Variants in PCDHGA4 observed in about 807,000 individuals in gnomAD.
PCDHGA4 encodes the protein protocadherin gamma subfamily A, 4.
In PCDHGA4, 38 loss-of-function variants were observed where a neutral mutation model predicts 54.6. That is an observed-to-expected ratio of 0.70 (90% CI 0.54 to 0.91). The LOEUF (loss-of-function observed/expected upper bound fraction) is 0.91, where lower values mean the gene tolerates loss of function less well. PCDHGA4 is among the 40% of genes least tolerant of loss of function. PCDHGA4 has a pLI of 0.00. For missense variants in PCDHGA4, 1,298 were observed against 1,220.9 expected, an observed-to-expected ratio of 1.06 and a Z score of -0.94; for synonymous variants, 511 against 512.9, an observed-to-expected ratio of 1.00 and a Z score of 0.05.
chr5:141,409,004 G>A, intron 1 of PCDHGA4: 3 of 1,614,004 alleles, frequency 1.9e-6, no homozygotes, highest in Non-Finnish European at 1.7e-6. Context: ...GACAGCCACT[G>A]ACCAGGATGA....
At position 141,476,744 on chromosome 5, in the gene PCDHGA4, CT is replaced by C; in HGVS notation, c.2515-18062del. ...CCTGGACCGAGAACGGGAGCCTAGT[CT>C]CCAGTTAGTGCTGACGGCGTTGGAC... is the stretch of plus-strand genomic sequence containing the variant. On this transcript the variant is annotated intron_variant, in intron 1 of 3. Coordinates refer to ENST00000571252, the MANE Select transcript of PCDHGA4 (RefSeq NM_018917.4). The surrounding 1 kb of genome is among the most constrained non-coding windows in gnomAD (Gnocchi z 7.6). 6.2e-7 allele frequency: 1 copy of C among 1,614,046 alleles called. No homozygotes were observed. Among genetic ancestry groups the C allele is most frequent in the East Asian group, 2.2e-5 (1 of 44,884 alleles).
intron 1 of PCDHGA4, among the ~76,000 whole-genome samples, chr5:141,359,234 T>C (rs1489655323): frequency 6.6e-6 from 1 of 152,044 alleles, no homozygotes; most frequent in Non-Finnish European, 1.5e-5. Flanking sequence ...GGAGAGATTG[T>C]TTAAAGTAAT....
intron 1 of PCDHGA4, chr5:141,388,437 A>C: frequency 6.2e-7 from 1 of 1,613,892 alleles, no homozygotes; most frequent in Non-Finnish European, 8.5e-7. Context: ...AAATAAAGAG[A>C]AATCAGATGG....
chr5:141,389,200 A>C, intron 1 of PCDHGA4: 1 of 1,614,034 alleles, frequency 6.2e-7, no homozygotes, highest in Non-Finnish European at 8.5e-7. Context: ...ATCACCCTGC[A>C]CATTGGTGAT....
At chr5:141,361,920 C>A (rs756760762) in intron 1 of PCDHGA4, 5 of 1,607,942 alleles carry the variant, frequency 3.1e-6, no homozygotes. Flanking sequence ...TGGCGGTGGA[C>A]GCAGACTCAG....
intron 1 of PCDHGA4, chr5:141,375,345 C>T (rs749825552): frequency 5.0e-6 from 8 of 1,613,858 alleles, no homozygotes; most frequent in South Asian, 4.4e-5. Flanking sequence ...TACAACATCA[C>T]TGTGACAGCC....
In PCDHGA4 at chr5:141,370,651, T is replaced by G. The variant is rs779641933; in HGVS notation, c.2514+13030T>G. On this transcript the variant is annotated intron_variant, in intron 1 of 3. Coordinates refer to ENST00000571252, the MANE Select transcript of PCDHGA4 (RefSeq NM_018917.4). Reference sequence around the variant, plus strand: ...AGCCCCGAAAATGGGAACTTACTTGTGAGCGACCGTATAGACCGAGAGGAG... The same window carrying G: ...AGCCCCGAAAATGGGAACTTACTTGGGAGCGACCGTATAGACCGAGAGGAG... 4.3e-6 allele frequency: 7 copies of G among 1,613,800 alleles called. No homozygotes were observed. In the South Asian group the frequency reaches 7.7e-5, roughly 18 times the overall value.
chr5:141,496,589 G>A (rs914585858), intron 2 of PCDHGA4, among the ~76,000 whole-genome samples: 7 of 152,124 alleles, frequency 4.6e-5, no homozygotes, highest in Admixed American at 6.5e-5. Flanking sequence ...AACGCAAAGC[G>A]CTTCTTAGAA....
At chr5:141,404,771 C>A in intron 1 of PCDHGA4, 2 of 1,613,870 alleles carry the variant, frequency 1.2e-6, no homozygotes, top group African/African-American at 1.3e-5. Context: ...GCTCTCCTAC[C>A]GCCTATTCAA....
At chr5:141,397,225 T>C (rs2093492124) in intron 1 of PCDHGA4, among the ~76,000 whole-genome samples, 1 of 151,338 alleles carries the variant, frequency 6.6e-6, no homozygotes, top group Non-Finnish European at 1.5e-5. Context: ...TTTTGAGATA[T>C]GAAGAAGAGC....
chr5:141,476,839 G>A lies in PCDHGA4; in HGVS notation c.2515-17968G>A, dbSNP rs372676286. The A allele has an allele frequency of 5.0e-6, 8 of 1,613,490 alleles. No homozygotes were observed. Among genetic ancestry groups the A allele is most frequent in the South Asian group, 1.1e-5 (1 of 91,088 alleles). On this transcript the variant is annotated intron_variant, in intron 1 of 3. Transcript: ENST00000571252. The surrounding 1 kb of genome is among the most constrained non-coding windows in gnomAD (Gnocchi z 7.6). ...AGGTGCTGGACGCGAATGACAATGC[G>A]CCTGTCTTCAACCAGTCCTTGTACC...
chr5:141,366,553 G>A (rs1209299928), intron 1 of PCDHGA4: 1 of 1,614,252 alleles, frequency 6.2e-7, no homozygotes, highest in Non-Finnish European at 8.5e-7. Context: ...CGCACTTTGT[G>A]GGCGTGGATG....
chr5:141,486,637 G>T lies in PCDHGA4; in HGVS notation c.2515-8170G>T. On this transcript the variant is annotated intron_variant, in intron 1 of 3. Coordinates refer to ENST00000571252, the MANE Select transcript of PCDHGA4 (RefSeq NM_018917.4). This position sits in a 1 kb window ranked among gnomAD's most constrained non-coding sequence, Gnocchi z 5.0. ...CTGACCCAGACTCTGGCTTGAATGCGCTTATCTCCTACTCACTCCTGGAGC... is the reference window on the plus strand; with the variant it reads ...CTGACCCAGACTCTGGCTTGAATGCTCTTATCTCCTACTCACTCCTGGAGC... 6.2e-7 allele frequency: 1 copy of T among 1,613,638 alleles called. No homozygotes were observed. The highest frequency in any genetic ancestry group is 8.5e-7 in the Non-Finnish European group (1 of 1,180,034).
chr5:141,449,256 A>C (rs929920180), intron 1 of PCDHGA4, among the ~76,000 whole-genome samples: 5 of 152,176 alleles, frequency 3.3e-5, no homozygotes, highest in Non-Finnish European at 5.9e-5. Context: ...CAAGAATTGT[A>C]CAAAGAACTG....
chr5:141,398,369 G>A (rs889057054), intron 1 of PCDHGA4: 2 of 1,428,778 alleles, frequency 1.4e-6, no homozygotes, highest in African/African-American at 2.9e-5. Context: ...AGCGCAGAGA[G>A]CGGGGAGTTG....
chr5:141,498,251 C>A (rs1277949209), intron 2 of PCDHGA4, among the ~76,000 whole-genome samples: 1 of 152,178 alleles, frequency 6.6e-6, no homozygotes, highest in African/African-American at 2.4e-5. Flanking sequence ...CAAAGCAGGG[C>A]TGGTGTTGAG....
chr5:141,399,278 G>A (rs1373250809), intron 1 of PCDHGA4: 2 of 1,613,792 alleles, frequency 1.2e-6, no homozygotes, highest in African/African-American at 1.3e-5. Context: ...CAATTACAAG[G>A]CGAAGTCCCT....
At chr5:141,415,012 C>T (rs1451963535) in intron 1 of PCDHGA4, 2 of 1,613,644 alleles carry the variant, frequency 1.2e-6, no homozygotes, top group South Asian at 1.1e-5. Context: ...CTACCGTCTG[C>T]TCAAGGCCAG....
rs148331367 is a variant in PCDHGA4 at position 141,435,055 on chromosome 5, A to C, written c.2515-59752A>C. ...TTTATTTTTTTCCCATTGACCATGC[A>C]GCAGTTTTGTGTAGACCGTCTGATA... On this transcript the variant is annotated intron_variant, in intron 1 of 3. Transcript: ENST00000571252. Among the ~76,000 whole-genome samples, 21 of 152,242 alleles carry C rather than the reference A, an allele frequency of 1.4e-4. No individual in the cohort carries two copies. The East Asian group carries it at 4.0e-3, about 29-fold the overall frequency.
Sources: allele counts gnomAD v4.1 joint callset (sites outside exome capture counted in the v4.1 genomes callset), GRCh38; gene constraint gnomAD v4.1.1; non-coding constraint Gnocchi (gnomAD v3.1); transcripts MANE v1.5; gene names NCBI Gene and HGNC (gene_info 2026-07-23, HGNC 2026-07-21).